Variants in SLC41A1 observed in about 807,000 individuals in gnomAD.
SLC41A1 encodes the protein solute carrier family 41 member 1, also known as solute carrier family 41 (magnesium transporter), member 1.
SLC41A1 carries 20 observed loss-of-function variants against 47.3 expected under a neutral mutation model. The ratio of observed to expected loss-of-function variants is 0.42; its 90% CI spans 0.30 to 0.61. The LOEUF is 0.61. Among genes scored for constraint, SLC41A1 ranks in the 20% least tolerant of loss-of-function variants. SLC41A1 has a pLI of 0.17. For missense variants in SLC41A1, 504 were observed against 674.1 expected, an observed-to-expected ratio of 0.75 and a Z score of 2.79; for synonymous variants, 282 against 272.7, an observed-to-expected ratio of 1.03 and a Z score of -0.34.
intron 10 of SLC41A1, among the ~76,000 whole-genome samples, chr1:205,792,090 C>G (rs1655639359): frequency 2.0e-5 from 3 of 152,210 alleles, no homozygotes; most frequent in African/African-American, 7.2e-5. Flanking sequence ...GGGGTCACTC[C>G]AATTCCTGCC....
chr1:205,799,653 G>T (rs1229756301), intron 4 of SLC41A1, 106 bp downstream of exon 4: 5 of 1,261,734 alleles, frequency 4.0e-6, no homozygotes, highest in East Asian at 5.0e-5. Context: ...AGCTCAGTGG[G>T]ATACTGGAGA....
intron 2 of SLC41A1, among the ~76,000 whole-genome samples, chr1:205,805,888 C>T (rs540687768): frequency 6.6e-6 from 1 of 152,358 alleles, no homozygotes; most frequent in South Asian, 2.1e-4. Flanking sequence ...GGGTTCTGGC[C>T]TGAGCCACCT....
intron 8 of SLC41A1, 58 bp downstream of exon 8, chr1:205,796,866 C>T (rs1323821481): frequency 1.2e-5 from 18 of 1,551,348 alleles, no homozygotes; most frequent in Non-Finnish European, 1.6e-5. Context: ...AAGTCCTCTT[C>T]TCCTGTCCCT....
intron 1 of SLC41A1, 134 bp downstream of exon 1, chr1:205,812,674 A>T (rs749658310): frequency 2.2e-6 from 2 of 908,070 alleles, no homozygotes; most frequent in Admixed American, 1.2e-4. Context: ...AGTATCCCCA[A>T]CCCCGAGGAG....
chr1:205,804,521 C>A (rs777985511), intron 2 of SLC41A1, among the ~76,000 whole-genome samples: 3 of 152,132 alleles, frequency 2.0e-5, no homozygotes, highest in East Asian at 1.9e-4. Flanking sequence ...ACCCTAAGAC[C>A]CCCCAGAGAG....
chr1:205,802,438 C>T (rs1032926050), intron 2 of SLC41A1, among the ~76,000 whole-genome samples: 3 of 152,132 alleles, frequency 2.0e-5, no homozygotes, highest in Admixed American at 6.5e-5. Flanking sequence ...GAGCAGTGGC[C>T]GAGCGCAGCG....
At position 205,810,247 on chromosome 1, in the gene SLC41A1, G is replaced by C; in HGVS notation, c.195C>G (p.Ala65=). The C allele has an allele frequency of 1.2e-6, 2 of 1,614,170 alleles. No homozygotes were observed. Among genetic ancestry groups the C allele is most frequent in the Non-Finnish European group, 1.7e-6 (2 of 1,180,032 alleles). Residue 65 remains alanine (A), a synonymous_variant, in exon 2 of 11, where the codon GCC becomes GCG. Transcript: ENST00000367137. This position sits in a 1 kb window ranked among gnomAD's most constrained non-coding sequence, Gnocchi z 5.5. ...ANAKGVREED[A]LLENGSQSNE... ...TGCTCTGGCTCCCGTTCTCCAGCAG[G>C]GCGTCCTCCTCCCGAACCCCCTTGG...
Position 205,789,300 on chromosome 1 carries a change from A to G in SLC41A1, c.*2233T>C, listed in dbSNP as rs1026657999. On this transcript the variant is annotated 3_prime_UTR_variant, in exon 11 of 11. Transcript: ENST00000367137. ...ATCGGGGAAAAGAAATGAAACTTCC[A>G]TGAAAGTCACCTTCATTTTCTTTCC... 3.9e-5 allele frequency: 6 copies of G among 152,232 alleles called. No individual in the cohort carries two copies. Among genetic ancestry groups the G allele is most frequent in the Admixed American group, 6.5e-5 (1 of 15,288 alleles). 9.4% of individuals were successfully genotyped at this position (152,232 alleles called of 1,614,324 possible).
At chr1:205,804,989 T>C (rs2102508531) in intron 2 of SLC41A1, among the ~76,000 whole-genome samples, 1 of 152,306 alleles carries the variant, frequency 6.6e-6, no homozygotes, top group East Asian at 1.9e-4. Context: ...CTCTGGTTGC[T>C]ACCATAAGCA....
chr1:205,807,932 C>T (rs1656053305), intron 2 of SLC41A1, among the ~76,000 whole-genome samples: 1 of 151,434 alleles, frequency 6.6e-6, no homozygotes, highest in African/African-American at 2.4e-5. Flanking sequence ...GCTGGGATTA[C>T]AGGCATAAGC....
chr1:205,807,650 CT>C (rs71152452), intron 2 of SLC41A1, among the ~76,000 whole-genome samples: 1,841 of 98,290 alleles, frequency 0.019, 11 homozygotes, highest in Middle Eastern at 0.062. Context: ...CTCGTAGAGT[CT>C]TTTTTTTTTT....
intron 2 of SLC41A1, among the ~76,000 whole-genome samples, chr1:205,809,792 G>C (rs1036833927): frequency 1.3e-5 from 2 of 152,096 alleles, no homozygotes; most frequent in Non-Finnish European, 2.9e-5. Flanking sequence ...CAACGACCCT[G>C]TTCCATCTCT....
Position 205,798,989 on chromosome 1 carries a change from A to G in SLC41A1, c.665T>C (p.Val222Ala). The change falls in exon 5 of 11, where the codon GTG becomes GCG. Residue 222 changes from valine (V) to alanine (A), a missense_variant. Val to Ala is a moderately conservative substitution (Grantham distance 64, BLOSUM62 0). Around this residue, in one of 2 missense-constraint regions of SLC41A1, gnomAD observed 421 missense variants for 601.6 expected, o/e 0.70. Coordinates refer to ENST00000367137, the MANE Select transcript of SLC41A1 (RefSeq NM_173854.6). ...CAGGGAGGCAATGAAGGCTGTGGCC[A>G]CGCTGCTAGCACAGAGCAGGAAGGC... ...PHAFLLCASS[V>A]ATAFIASLVL... 2 of 1,614,126 alleles carry G rather than the reference A, an allele frequency of 1.2e-6. No homozygotes were observed. The highest frequency in any genetic ancestry group is 1.7e-6 in the Non-Finnish European group (2 of 1,180,038).
chr1:205,799,310 A>G (rs1250406243), intron 4 of SLC41A1, among the ~76,000 whole-genome samples: 2 of 152,180 alleles, frequency 1.3e-5, no homozygotes, highest in African/African-American at 4.8e-5. Flanking sequence ...ACTCTGCAGG[A>G]GCCCAGAACA....
chr1:205,801,289 T>C, intron 2 of SLC41A1: 1 of 503,710 alleles, frequency 2.0e-6, no homozygotes, highest in East Asian at 3.7e-5. Context: ...AGAGGGTTTC[T>C]GCCGGTTGGG....
At chr1:205,796,537 G>A (rs1275040354) in intron 8 of SLC41A1, 2 of 282,572 alleles carry the variant, frequency 7.1e-6, no homozygotes, top group Non-Finnish European at 1.4e-5. Flanking sequence ...GATGCAGCAT[G>A]AGGCCCTCAC....
At position 205,797,968 on chromosome 1, in the gene SLC41A1, G is replaced by A; in HGVS notation, c.928C>T (p.Pro310Ser). 1 of 1,614,148 alleles carries A rather than the reference G, an allele frequency of 6.2e-7. No individual in the cohort carries two copies. The highest frequency in any genetic ancestry group is 8.5e-7 in the Non-Finnish European group (1 of 1,180,030). ...PVWVVLARRS[P>S]ATREVLYSGW... is the part of the protein sequence containing the mutation. ...GAGTACAACACCTCCCTTGTGGCTG[G>A]ACTTCGTCGGGCCAGCACCACCCAG... The change falls in exon 7 of 11, where the codon CCA becomes TCA. Residue 310 changes from proline to serine, a missense_variant. Around this residue, in one of 2 missense-constraint regions of SLC41A1, gnomAD observed 421 missense variants for 601.6 expected, o/e 0.70. Transcript: ENST00000367137.
chr1:205,810,169 G>C lies in SLC41A1; in HGVS notation c.273C>G (p.Leu91=), dbSNP rs145611837. The C allele has an allele frequency of 1.5e-5, 25 of 1,614,122 alleles. No individual in the cohort carries two copies. Among genetic ancestry groups the C allele is most frequent in the South Asian group, 3.3e-5 (3 of 91,092 alleles). The change falls in exon 2 of 11, where the codon CTC becomes CTG. Residue 91 remains leucine, a synonymous_variant. Coordinates refer to ENST00000367137, the MANE Select transcript of SLC41A1 (RefSeq NM_173854.6). The surrounding 1 kb of genome is among the most constrained non-coding windows in gnomAD (Gnocchi z 5.5). ...TDRGPAPPSP[L]KETSFSIGLQ... is the part of the protein sequence containing the mutation. Reference sequence around the variant, plus strand: ...GCCCGATGGAAAAGGAGGTCTCCTTGAGCGGGGAAGGTGGCGCAGGGCCAC... The same window carrying C: ...GCCCGATGGAAAAGGAGGTCTCCTTCAGCGGGGAAGGTGGCGCAGGGCCAC...
chr1:205,808,245 T>C (rs1656061537), intron 2 of SLC41A1, among the ~76,000 whole-genome samples: 3 of 152,178 alleles, frequency 2.0e-5, no homozygotes. Flanking sequence ...CATGAGCCAC[T>C]GAGCTCGGCC....
Sources: gnomAD v4.1 joint callset for allele counts (sites outside exome capture counted in the v4.1 genomes callset) on GRCh38, gnomAD v4.1.1 for gene constraint, gnomAD v4.1.1 regional missense constraint, Gnocchi (gnomAD v3.1) non-coding constraint, MANE v1.5 for transcripts, NCBI Gene and HGNC (gene_info 2026-07-23, HGNC 2026-07-21) for gene names.